Variants in TRHDE observed in about 807,000 individuals in gnomAD.
TRHDE encodes the protein thyrotropin-releasing hormone-degrading ectoenzyme.
TRHDE carries 72 observed loss-of-function variants against 125.7 expected under a neutral mutation model. The ratio of observed to expected loss-of-function variants is 0.57; its 90% CI spans 0.47 to 0.70. TRHDE has a LOEUF of 0.70. Ranked by LOEUF, TRHDE falls within the 30% of genes least tolerant of loss-of-function variation. TRHDE has a pLI of 0.00. For synonymous variants in TRHDE, 509 were observed against 509.1 expected (o/e 1.00, Z 0.00); for missense variants, 1,110 against 1,327.1 (o/e 0.84, Z 2.54).
chr12:72,392,783 C>T (rs1047385618), intron 3 of TRHDE, among the ~76,000 whole-genome samples: 1 of 152,144 alleles, frequency 6.6e-6, no homozygotes, highest in African/African-American at 2.4e-5. Flanking sequence ...CTCTGAAAGG[C>T]ACTTATTCAA....
At chr12:72,133,341 G>T (rs1875906425) in intron 2 of TRHDE, among the ~76,000 whole-genome samples, 1 of 152,150 alleles carries the variant, frequency 6.6e-6, no homozygotes. Flanking sequence ...AATCGACATA[G>T]TTTGACAACA....
At chr12:72,388,821 T>C (rs1166812051) in intron 3 of TRHDE, among the ~76,000 whole-genome samples, 1 of 151,748 alleles carries the variant, frequency 6.6e-6, no homozygotes, top group African/African-American at 2.4e-5. Flanking sequence ...ATGGTGAGGC[T>C]ATTAAAGAAG....
chr12:72,524,200 C>A (rs185940407), intron 6 of TRHDE, among the ~76,000 whole-genome samples: 1 of 152,058 alleles, frequency 6.6e-6, no homozygotes, highest in African/African-American at 2.4e-5. Context: ...CTTTAATCAG[C>A]GCATTTTATC....
intron 15 of TRHDE, among the ~76,000 whole-genome samples, chr12:72,623,718 TA>T (rs1440206836): frequency 6.6e-6 from 1 of 152,042 alleles, no homozygotes; most frequent in Non-Finnish European, 1.5e-5. Context: ...TTTAAGTGGA[TA>T]GGGGCAGGAC....
intron 2 of TRHDE, among the ~76,000 whole-genome samples, chr12:72,360,079 A>G (rs979933290): frequency 6.6e-6 from 1 of 151,772 alleles, no homozygotes; most frequent in African/African-American, 2.4e-5. Flanking sequence ...CCTATTTCAC[A>G]GCACTCACAC....
chr12:72,605,923 C>G (rs1872420894), intron 12 of TRHDE, among the ~76,000 whole-genome samples: 1 of 150,588 alleles, frequency 6.6e-6, no homozygotes, highest in South Asian at 2.1e-4. Flanking sequence ...ATGAAAAAAG[C>G]CTTTTTTCCT....
intron 3 of TRHDE, among the ~76,000 whole-genome samples, chr12:72,430,197 T>C (rs1017310099): frequency 3.3e-5 from 5 of 149,306 alleles, no homozygotes; most frequent in Non-Finnish European, 5.9e-5. Context: ...TGTAAGAAAA[T>C]CCAACTTCAT....
chr12:72,392,882 G>A (rs112099721), intron 3 of TRHDE, among the ~76,000 whole-genome samples: 14 of 151,710 alleles, frequency 9.2e-5, no homozygotes, highest in African/African-American at 3.1e-4. Flanking sequence ...TCCTTTTAAG[G>A]GCATCCATTT....
chr12:72,522,721 A>G (rs1047326636), intron 6 of TRHDE, among the ~76,000 whole-genome samples: 19 of 152,186 alleles, frequency 1.2e-4, no homozygotes, highest in Non-Finnish European at 2.4e-4. Context: ...AGTTTGCTCT[A>G]AATTACTTTC....
intron 13 of TRHDE, among the ~76,000 whole-genome samples, chr12:72,619,989 A>G (rs1375866601): frequency 6.7e-6 from 1 of 150,362 alleles, no homozygotes; most frequent in African/African-American, 2.5e-5. Flanking sequence ...TTTTTAAAAA[A>G]TGGGAATAAT....
chr12:72,576,850 T>C (rs1419441115), intron 12 of TRHDE, among the ~76,000 whole-genome samples: 2 of 152,102 alleles, frequency 1.3e-5, no homozygotes, highest in East Asian at 3.9e-4. Flanking sequence ...AACGTGGAAA[T>C]TGCTAATGAA....
At chr12:72,368,271 G>A (rs1871423362) in intron 2 of TRHDE, among the ~76,000 whole-genome samples, 1 of 151,982 alleles carries the variant, frequency 6.6e-6, no homozygotes, top group South Asian at 2.1e-4. Flanking sequence ...AAGTCTGTAA[G>A]GTACATTAAG....
intron 17 of TRHDE, among the ~76,000 whole-genome samples, chr12:72,654,875 T>TAAAC (rs1874645403): frequency 6.6e-6 from 1 of 152,166 alleles, no homozygotes; most frequent in Admixed American, 6.6e-5. Context: ...TATAATTATA[T>TAAAC]AAACACACTT....
intron 5 of TRHDE, among the ~76,000 whole-genome samples, chr12:72,477,750 A>G (rs906610732): frequency 2.6e-5 from 4 of 152,210 alleles, no homozygotes; most frequent in African/African-American, 9.6e-5. Flanking sequence ...AAAGTTGCTT[A>G]TTAAAATACT....
At chr12:72,596,308 C>T (rs952816724) in intron 12 of TRHDE, among the ~76,000 whole-genome samples, 1 of 151,998 alleles carries the variant, frequency 6.6e-6, no homozygotes, top group African/African-American at 2.4e-5. Flanking sequence ...ATCACTTTTA[C>T]ATGGAAAACA....
chr12:72,462,331 G>A (rs934072827), intron 3 of TRHDE, among the ~76,000 whole-genome samples: 1 of 152,166 alleles, frequency 6.6e-6, no homozygotes, highest in Non-Finnish European at 1.5e-5. Context: ...AATCGGAAGG[G>A]AATGCATCTG....
chr12:72,191,310 T>C (rs1481151123), intron 2 of TRHDE, among the ~76,000 whole-genome samples: 2 of 152,246 alleles, frequency 1.3e-5, no homozygotes, highest in East Asian at 1.9e-4. Context: ...AGTTGTCTTA[T>C]TGTATCAGGG....
At chr12:72,203,412 G>A (rs1276170501) in intron 2 of TRHDE, among the ~76,000 whole-genome samples, 1 of 152,128 alleles carries the variant, frequency 6.6e-6, no homozygotes, top group African/African-American at 2.4e-5. Context: ...AGCTTGCAGT[G>A]AGCAGAGATC....
At chr12:72,514,788 T>G (rs1279202693) in intron 6 of TRHDE, among the ~76,000 whole-genome samples, 1 of 62,986 alleles carries the variant, frequency 1.6e-5, no homozygotes, top group Admixed American at 2.5e-4. Context: ...CCCTCCCCCC[T>G]CCCCCCACCC....
Sources: gnomAD v4.1 joint callset for allele counts (sites outside exome capture counted in the v4.1 genomes callset) on GRCh38, gnomAD v4.1.1 for gene constraint, MANE v1.5 for transcripts, NCBI Gene and HGNC (gene_info 2026-07-23, HGNC 2026-07-21) for gene names.